Variants in CORO2B observed in about 807,000 individuals in gnomAD.
CORO2B encodes the protein coronin 2B.
Under a neutral mutation model 58.8 loss-of-function variants are expected in CORO2B, and 26 were observed. The observed-to-expected ratio is 0.44, with a 90% CI of 0.32 to 0.61. The LOEUF (loss-of-function observed/expected upper bound fraction) is 0.61. Ranked by LOEUF, CORO2B falls within the 20% of genes least tolerant of loss-of-function variation. The probability of loss-of-function intolerance (pLI) is 0.04; values close to 1 mark genes in which losing one functional copy is unlikely to be tolerated. For synonymous variants in CORO2B, 242 were observed against 253.8 expected (o/e 0.95, Z 0.44); for missense variants, 460 against 645.1 (o/e 0.71, Z 3.11).
At chr15:68,544,041 G>A in the CORO2B span, among the ~76,000 whole-genome samples, 2 of 152,194 alleles carry the variant, frequency 1.3e-5, no homozygotes, top group Non-Finnish European at 2.9e-5. Flanking sequence ...TATCTAAGGA[G>A]CATCTCAGAC....
intron 2 of CORO2B, among the ~76,000 whole-genome samples, chr15:68,693,912 C>T (rs185074411): frequency 4.6e-5 from 7 of 152,224 alleles, no homozygotes; most frequent in Non-Finnish European, 8.8e-5. Flanking sequence ...CTTGGCTCAC[C>T]GCAACCTCCG....
At chr15:68,551,171 G>A in the CORO2B span, among the ~76,000 whole-genome samples, 1 of 152,074 alleles carries the variant, frequency 6.6e-6, no homozygotes, top group Non-Finnish European at 1.5e-5. Flanking sequence ...GGCAGACAGG[G>A]GTGCCGTGGG....
intron 1 of CORO2B, among the ~76,000 whole-genome samples, chr15:68,582,710 T>G (rs548691623): frequency 6.6e-6 from 1 of 152,326 alleles, no homozygotes; most frequent in Admixed American, 6.5e-5. Context: ...TCTAGGCCCT[T>G]GCAACCCGCT....
At chr15:68,623,809 G>A (rs1900595014) in intron 1 of CORO2B, among the ~76,000 whole-genome samples, 1 of 152,178 alleles carries the variant, frequency 6.6e-6, no homozygotes, top group African/African-American at 2.4e-5. Flanking sequence ...CATGAGGTTG[G>A]AGGCGGGTGT....
chr15:68,523,628 GT>G, the CORO2B span, among the ~76,000 whole-genome samples: 1 of 152,184 alleles, frequency 6.6e-6, no homozygotes, highest in African/African-American at 2.4e-5. Flanking sequence ...TAACTGTCAG[GT>G]TTAGTTTTCT....
At chr15:68,542,774 G>C in the CORO2B span, among the ~76,000 whole-genome samples, 1 of 152,336 alleles carries the variant, frequency 6.6e-6, no homozygotes, top group African/African-American at 2.4e-5. Flanking sequence ...AAGTCATATG[G>C]CTTCACTTAA....
chr15:68,607,957 C>T (rs751742669), intron 1 of CORO2B, among the ~76,000 whole-genome samples: 1 of 152,192 alleles, frequency 6.6e-6, no homozygotes, highest in Non-Finnish European at 1.5e-5. Context: ...AATCACATGC[C>T]CTTGGGCATA....
At chr15:68,641,102 C>A (rs906801531) in intron 1 of CORO2B, among the ~76,000 whole-genome samples, 19 of 152,182 alleles carry the variant, frequency 1.2e-4, no homozygotes, top group Non-Finnish European at 7.3e-5. Context: ...GATCCAGTCC[C>A]AGCCTACCAG....
intron 2 of CORO2B, among the ~76,000 whole-genome samples, chr15:68,650,944 C>T (rs1310795464): frequency 1.3e-5 from 2 of 152,194 alleles, no homozygotes; most frequent in Non-Finnish European, 1.5e-5. Flanking sequence ...ATGTCTTCAT[C>T]TGCCTTGAAC....
At chr15:68,590,583 G>A (rs927801971) in intron 1 of CORO2B, among the ~76,000 whole-genome samples, 1 of 152,218 alleles carries the variant, frequency 6.6e-6, no homozygotes, top group African/African-American at 2.4e-5. Flanking sequence ...GTGCTGCGGG[G>A]CCGCTGGTTT....
chr15:68,542,990 C>T, the CORO2B span, among the ~76,000 whole-genome samples: 1 of 152,170 alleles, frequency 6.6e-6, no homozygotes, highest in Non-Finnish European at 1.5e-5. Flanking sequence ...ATGCCTTGCT[C>T]CAGGCTCCTC....
chr15:68,679,394 ACATACCC>A (rs1281932822), intron 2 of CORO2B, among the ~76,000 whole-genome samples: 1 of 152,154 alleles, frequency 6.6e-6, no homozygotes, highest in Non-Finnish European at 1.5e-5. Context: ...TGGGTTAGAC[ACATACCC>A]CACCCATGGA....
intron 2 of CORO2B, among the ~76,000 whole-genome samples, chr15:68,670,957 A>G (rs944681017): frequency 7.2e-5 from 11 of 152,276 alleles, no homozygotes; most frequent in African/African-American, 2.6e-4. Flanking sequence ...CACTTACAAT[A>G]ATTTATCTTT....
At chr15:68,589,428 A>G (rs1899644798) in intron 1 of CORO2B, among the ~76,000 whole-genome samples, 1 of 152,234 alleles carries the variant, frequency 6.6e-6, no homozygotes, top group Admixed American at 6.5e-5. Flanking sequence ...GAGCAAACCT[A>G]AAACATTCCC....
intron 1 of CORO2B, among the ~76,000 whole-genome samples, chr15:68,611,251 A>G (rs867346042): frequency 2.0e-4 from 31 of 152,222 alleles, no homozygotes; most frequent in African/African-American, 7.5e-4. Context: ...AACAGTGTCT[A>G]TTTCAGATTG....
Position 68,579,240 on chromosome 15 carries a change from C to T in CORO2B, c.-23C>T, listed in dbSNP as rs1472721914. On this transcript the variant is annotated 5_prime_UTR_variant, in exon 1 of 12. Transcript: ENST00000261861. The stretch of plus-strand genomic sequence containing the variant: ...GCCCCCGCACGCCGCGCCCGCGCCC[C>T]CGCTCCGCCGCGGAGTTTCTGCATG... 3.4e-6 allele frequency: 4 copies of T among 1,168,600 alleles called. No homozygotes were observed. Among genetic ancestry groups the T allele is most frequent in the Admixed American group, 4.3e-5 (1 of 23,136 alleles). The allele number at this position is 1,168,600 out of a possible 1,614,324, so 72.4% of individuals were successfully genotyped here.
Position 68,660,854 on chromosome 15 carries a change from CAAT to C in CORO2B, c.216+15495_216+15497del, listed in dbSNP as rs527566121. On this transcript the variant is annotated intron_variant, in intron 2 of 11. Coordinates refer to ENST00000261861, the MANE Select transcript of CORO2B (RefSeq NM_006091.5). Reference sequence around the variant, plus strand: ...ATGGCTTTCACAGCTTTTTCTGTAACAATGATGGTATCTTCAACTATGTAATCC... The same window carrying C: ...ATGGCTTTCACAGCTTTTTCTGTAACGATGGTATCTTCAACTATGTAATCC... Among the ~76,000 whole-genome samples the C allele has an allele frequency of 3.8e-4, 58 of 152,276 alleles. 1 individual carries two copies. The highest frequency in any genetic ancestry group is 1.2e-3 in the African/African-American group (50 of 41,550).
intron 1 of CORO2B, among the ~76,000 whole-genome samples, chr15:68,592,214 A>AGCTT (rs969522817): frequency 6.6e-6 from 1 of 152,210 alleles, no homozygotes; most frequent in Non-Finnish European, 1.5e-5. Flanking sequence ...GAGTCCTGCC[A>AGCTT]GCTTGCTTGC....
At chr15:68,711,231 G>A (rs971836672) in intron 4 of CORO2B, among the ~76,000 whole-genome samples, 11 of 152,074 alleles carry the variant, frequency 7.2e-5, no homozygotes, top group African/African-American at 1.9e-4. Context: ...CCTCAGCCCC[G>A]AGCCCCAGGC....
Sources: allele counts gnomAD v4.1 joint callset (sites outside exome capture counted in the v4.1 genomes callset), GRCh38; gene constraint gnomAD v4.1.1; transcripts MANE v1.5; gene names NCBI Gene and HGNC (gene_info 2026-07-23, HGNC 2026-07-21).